FAM171B: variants seen among roughly 807,000 people sequenced by gnomAD.
FAM171B encodes the protein family with sequence similarity 171 member B.
In FAM171B, 19 loss-of-function variants were observed where a neutral mutation model predicts 75.6. The ratio of observed to expected loss-of-function variants is 0.25; its 90% confidence interval spans 0.18 to 0.37. The LOEUF (loss-of-function observed/expected upper bound fraction) is 0.37, where lower values mean the gene tolerates loss of function less well. Among genes scored for constraint, FAM171B ranks in the 10% least tolerant of loss-of-function variants. The pLI, the probability that FAM171B is intolerant of heterozygous loss-of-function variation, is 1.00. For missense variants in FAM171B, 848 were observed against 982.4 expected (o/e 0.86, Z 1.83); for synonymous variants, 367 against 361.7 (o/e 1.01, Z -0.17).
At chr2:186,745,780 T>C (rs1441596514) in intron 3 of FAM171B, among the ~76,000 whole-genome samples, 2 of 152,200 alleles carry the variant, frequency 1.3e-5, no homozygotes. Context: ...ATGTGTTCAG[T>C]TGTAAGAAAT....
chr2:186,715,478 C>T (rs771211952), intron 1 of FAM171B, among the ~76,000 whole-genome samples: 4 of 152,126 alleles, frequency 2.6e-5, no homozygotes, highest in Non-Finnish European at 4.4e-5. Flanking sequence ...GCTAGGATTA[C>T]AAGCATGAGC....
At chr2:186,759,845 TACTC>T (rs2105792980) in intron 6 of FAM171B, among the ~76,000 whole-genome samples, 1 of 152,232 alleles carries the variant, frequency 6.6e-6, no homozygotes, top group South Asian at 2.1e-4. Context: ...TGCAGGGTAT[TACTC>T]AATAAATCTT....
intron 4 of FAM171B, 124 bp downstream of exon 4, chr2:186,747,374 A>G: frequency 4.0e-6 from 2 of 502,536 alleles, no homozygotes; most frequent in Non-Finnish European, 6.2e-6. Flanking sequence ...ATCATTTGAG[A>G]CATAAATCTA....
chr2:186,701,089 G>T lies in FAM171B; in HGVS notation c.238+6678G>T, dbSNP rs548839867. 9.0e-4 allele frequency among the ~76,000 whole-genome samples: 137 copies of T among 151,672 alleles called. No individual in the cohort carries two copies. The Middle Eastern group carries it at 0.01, about 11-fold the overall frequency. Reference sequence around the variant, plus strand: ...CTGCCACCATGCCTGGCTAAGTTTTGTATTTTTTTTTAGTAGAGACGGGGT... The same window carrying T: ...CTGCCACCATGCCTGGCTAAGTTTTTTATTTTTTTTTAGTAGAGACGGGGT... On this transcript the variant is annotated intron_variant, in intron 1 of 7. Coordinates refer to ENST00000304698, the MANE Select transcript of FAM171B (RefSeq NM_177454.4).
intron 1 of FAM171B, among the ~76,000 whole-genome samples, chr2:186,720,387 T>C (rs1276725882): frequency 6.6e-6 from 1 of 152,178 alleles, no homozygotes; most frequent in Non-Finnish European, 1.5e-5. Flanking sequence ...ACTTAATACA[T>C]GCTCACTGTA....
chr2:186,757,316 G>C (rs1187669026), intron 6 of FAM171B, among the ~76,000 whole-genome samples: 1 of 151,954 alleles, frequency 6.6e-6, no homozygotes, highest in African/African-American at 2.4e-5. Flanking sequence ...CCACATAATA[G>C]AACAAAAGAC....
chr2:186,698,120 C>A (rs557200816), intron 1 of FAM171B, among the ~76,000 whole-genome samples: 2 of 152,062 alleles, frequency 1.3e-5, no homozygotes, highest in Non-Finnish European at 2.9e-5. Context: ...GTAGTTGGGA[C>A]AACCATATTA....
intron 1 of FAM171B, among the ~76,000 whole-genome samples, chr2:186,701,238 G>A (rs1689655959): frequency 6.6e-6 from 1 of 151,994 alleles, no homozygotes; most frequent in Non-Finnish European, 1.5e-5. Context: ...TTTTTAAATT[G>A]TACATATTAT....
chr2:186,722,945 G>A (rs540195152), intron 1 of FAM171B, among the ~76,000 whole-genome samples: 2 of 152,200 alleles, frequency 1.3e-5, no homozygotes, highest in African/African-American at 4.8e-5. Flanking sequence ...ATATTTTTTT[G>A]TGGGCATTTT....
chr2:186,750,295 C>A (rs1308037598), intron 4 of FAM171B, among the ~76,000 whole-genome samples: 2 of 152,054 alleles, frequency 1.3e-5, no homozygotes, highest in Non-Finnish European at 2.9e-5. Context: ...CTTTCTGCTC[C>A]CTCTCTCCGC....
intron 4 of FAM171B, among the ~76,000 whole-genome samples, chr2:186,749,293 T>C (rs201485771): frequency 6.6e-6 from 1 of 152,350 alleles, no homozygotes; most frequent in East Asian, 1.9e-4. Context: ...TTTTCTCCTC[T>C]GACTTGACTT....
chr2:186,765,445 A>G lies in FAM171B; in HGVS notation c.*2622A>G, dbSNP rs1195690478. On this transcript the variant is annotated 3_prime_UTR_variant, in exon 8 of 8. Coordinates refer to ENST00000304698, the MANE Select transcript of FAM171B (RefSeq NM_177454.4). ...TTTATAAATCAATTTTTATGACTTT[A>G]TGCAGTTGTATAGGGATTATGCCCT... 1 of 152,070 alleles carries G rather than the reference A, an allele frequency of 6.6e-6. No individual in the cohort carries two copies. The highest frequency in any genetic ancestry group is 1.5e-5 in the Non-Finnish European group (1 of 67,958). The allele number at this position is 152,070 out of a possible 1,614,324, so 9.4% of individuals were successfully genotyped here.
intron 1 of FAM171B, among the ~76,000 whole-genome samples, chr2:186,703,234 T>A (rs1689688807): frequency 6.6e-6 from 1 of 152,052 alleles, no homozygotes; most frequent in Non-Finnish European, 1.5e-5. Context: ...CGTGAGCCAC[T>A]GTGCCTGGAC....
rs192011736 is a variant in FAM171B, at chr2:186,697,399, C to A, written c.238+2988C>A. On this transcript the variant is annotated intron_variant, in intron 1 of 7. Coordinates refer to ENST00000304698, the MANE Select transcript of FAM171B (RefSeq NM_177454.4). ...TGAACTACAGATGCGTGCCGCTGGG[C>A]CCAGCTAATTTTTAATTTTTTTCTT... Among the ~76,000 whole-genome samples the A allele has an allele frequency of 2.7e-4, 41 of 152,034 alleles. 1 individual carries two copies. The highest frequency in any genetic ancestry group is 3.4e-3 in the Middle Eastern group (1 of 294).
At position 186,751,310 on chromosome 2, in the gene FAM171B, T is replaced by G. The variant is rs1188398354; in HGVS notation, c.895+6T>G. 2 of 1,542,784 alleles carry G rather than the reference T, an allele frequency of 1.3e-6. No homozygotes were observed. The highest frequency in any genetic ancestry group is 1.7e-4 in the Middle Eastern group (1 of 5,790). ...GACATTTGATATGAACACAGGTATGTGAGCTAGGTTAAAATAGTCTGAATA... is the reference window on the plus strand; with the variant it reads ...GACATTTGATATGAACACAGGTATGGGAGCTAGGTTAAAATAGTCTGAATA... On this transcript the variant is annotated splice_donor_region_variant and intron_variant, in intron 5 of 7. Transcript: ENST00000304698.
chr2:186,725,979 T>C (rs1163541629), intron 1 of FAM171B, among the ~76,000 whole-genome samples: 3 of 152,192 alleles, frequency 2.0e-5, no homozygotes, highest in African/African-American at 7.2e-5. Context: ...GGAGTCCAAA[T>C]AGTAATGGCT....
At chr2:186,754,609 A>AT (rs201462992) in intron 6 of FAM171B, among the ~76,000 whole-genome samples, 146 of 152,134 alleles carry the variant, frequency 9.6e-4, no homozygotes, top group Admixed American at 8.6e-3. Flanking sequence ...TGATCATCCT[A>AT]TTGGCCCACT....
chr2:186,761,764 A>G lies in FAM171B; in HGVS notation c.1422A>G (p.Gln474=). Reference sequence around the variant, plus strand: ...ATGTTTCATTTCTATCAGTCAATCAAAATAATTACTCAAGAAACCCAACAC... The same window carrying G: ...ATGTTTCATTTCTATCAGTCAATCAGAATAATTACTCAAGAAACCCAACAC... ...NEDVSFLSVN[Q]NNYSRNPTQS... Residue 474 remains glutamine, a synonymous_variant, in exon 8 of 8, where the codon CAA becomes CAG. Transcript: ENST00000304698. The G allele has an allele frequency of 6.2e-7, 1 of 1,613,340 alleles. No homozygotes were observed. The highest frequency in any genetic ancestry group is 8.5e-7 in the Non-Finnish European group (1 of 1,179,708).
At chr2:186,746,805 C>A (rs998883647) in intron 3 of FAM171B, among the ~76,000 whole-genome samples, 10 of 152,256 alleles carry the variant, frequency 6.6e-5, no homozygotes, top group Non-Finnish European at 1.5e-4. Flanking sequence ...AGAAATGAGA[C>A]CCCAAATGAA....
Sources: gnomAD v4.1 joint callset for allele counts (sites outside exome capture counted in the v4.1 genomes callset) on GRCh38, gnomAD v4.1.1 for gene constraint, MANE v1.5 for transcripts, NCBI Gene and HGNC (gene_info 2026-07-23, HGNC 2026-07-21) for gene names.